USP15: variants seen among roughly 807,000 people sequenced by gnomAD.
USP15 encodes ubiquitin specific peptidase 15.
Under a neutral mutation model 127.1 loss-of-function variants are expected in USP15, and 18 were observed. The ratio of observed to expected loss-of-function variants is 0.14; its 90% CI spans 0.10 to 0.21. The LOEUF (loss-of-function observed/expected upper bound fraction) is 0.21, where lower values mean the gene tolerates loss of function less well. Ranked by LOEUF, USP15 falls within the 10% of genes least tolerant of loss-of-function variation. USP15 has a pLI of 1.00. For missense variants in USP15, 805 were observed against 1,159.9 expected (o/e 0.69, Z 4.44); for synonymous variants, 364 against 393.7 (o/e 0.92, Z 0.89).
chr12:62,329,627 T>C (rs2065228254), intron 6 of USP15, among the ~76,000 whole-genome samples: 2 of 151,872 alleles, frequency 1.3e-5, no homozygotes, highest in Non-Finnish European at 2.9e-5. Flanking sequence ...TTTAAAAAAA[T>C]AGGTAAAAGA....
chr12:62,390,994 T>C lies in USP15; in HGVS notation c.1960+15T>C. ...AGGCTCACCAAGTAAGACTTTTCTG[T>C]TAAATTGTACAAATGTTTCACTTAG... On this transcript the variant is annotated intron_variant, in intron 15 of 21. Coordinates refer to ENST00000280377, the MANE Select transcript of USP15 (RefSeq NM_001252078.2). The C allele has an allele frequency of 6.3e-7, 1 of 1,599,212 alleles. No homozygotes were observed. The highest frequency in any genetic ancestry group is 8.5e-7 in the Non-Finnish European group (1 of 1,170,816).
intron 4 of USP15, among the ~76,000 whole-genome samples, chr12:62,319,562 C>T (rs2064926934): frequency 6.6e-6 from 1 of 152,078 alleles, no homozygotes; most frequent in Non-Finnish European, 1.5e-5. Flanking sequence ...TCATTTCTAC[C>T]TCACTTATTC....
At chr12:62,275,237 C>T (rs555396095) in intron 1 of USP15, among the ~76,000 whole-genome samples, 2 of 151,984 alleles carry the variant, frequency 1.3e-5, no homozygotes, top group East Asian at 3.9e-4. Context: ...AAATACGATT[C>T]AAGAACTTGA....
chr12:62,261,972 G>A (rs1012920845), intron 1 of USP15, among the ~76,000 whole-genome samples: 1 of 152,138 alleles, frequency 6.6e-6, no homozygotes, highest in Admixed American at 6.5e-5. Flanking sequence ...TGGCAGGGTG[G>A]TTCACGCCTG....
intron 2 of USP15, among the ~76,000 whole-genome samples, chr12:62,298,189 CAGA>C (rs1394939233): frequency 6.6e-6 from 1 of 152,078 alleles, no homozygotes; most frequent in Non-Finnish European, 1.5e-5. Flanking sequence ...ATGGAAGTTC[CAGA>C]AGGAGGAAAG....
At chr12:62,385,715 G>A (rs533138854) in intron 11 of USP15, among the ~76,000 whole-genome samples, 6 of 151,976 alleles carry the variant, frequency 3.9e-5, no homozygotes, top group South Asian at 2.1e-4. Context: ...TTATTCACTC[G>A]TTTATAAGTA....
chr12:62,345,725 T>C (rs898310460), intron 6 of USP15, among the ~76,000 whole-genome samples: 1 of 152,148 alleles, frequency 6.6e-6, no homozygotes, highest in Non-Finnish European at 1.5e-5. Context: ...TCATTGGACT[T>C]AACAGTTCCA....
At chr12:62,326,194 T>TA (rs1351762421) in intron 6 of USP15, among the ~76,000 whole-genome samples, 5 of 152,204 alleles carry the variant, frequency 3.3e-5, no homozygotes, top group Non-Finnish European at 7.4e-5. Context: ...CGTTGTCTGA[T>TA]ACAGTCAAAT....
At chr12:62,355,527 C>T (rs2066095315) in intron 8 of USP15, 52 bp downstream of exon 8, 1 of 1,507,100 alleles carries the variant, frequency 6.6e-7, no homozygotes, top group East Asian at 2.3e-5. Flanking sequence ...ATCTGTAATA[C>T]AAGAAGATAA....
chr12:62,344,167 G>A (rs992745848), intron 6 of USP15, among the ~76,000 whole-genome samples: 3 of 152,140 alleles, frequency 2.0e-5, no homozygotes, highest in South Asian at 4.1e-4. Flanking sequence ...TCTCATTCAA[G>A]ACAAGGCAAG....
chr12:62,341,943 A>T (rs938223083), intron 6 of USP15, among the ~76,000 whole-genome samples: 1 of 152,000 alleles, frequency 6.6e-6, no homozygotes, highest in African/African-American at 2.4e-5. Flanking sequence ...AAGGTTGGGG[A>T]GGTTCTCCTG....
At chr12:62,366,360 TTGGTATATAGGAATGCTTG>T (rs1421073510) in intron 8 of USP15, among the ~76,000 whole-genome samples, 89 of 152,348 alleles carry the variant, frequency 5.8e-4, no homozygotes, top group African/African-American at 2.1e-3. Context: ...TTATCTGTTA[TTGGTATATAGGAATGCTTG>T]TGATTTTTGC....
At chr12:62,277,686 G>T (rs943547237) in intron 1 of USP15, 1 of 134,338 alleles carries the variant, frequency 7.4e-6, no homozygotes, top group African/African-American at 2.9e-5. Flanking sequence ...ATACACTAAC[G>T]CTAAAAATAG....
At chr12:62,294,953 G>A (rs967633937) in intron 2 of USP15, among the ~76,000 whole-genome samples, 1 of 152,126 alleles carries the variant, frequency 6.6e-6, no homozygotes, top group Non-Finnish European at 1.5e-5. Context: ...CCCTCCAACT[G>A]CCTTCAGTTT....
intron 6 of USP15, chr12:62,335,679 C>G: frequency 1.0e-6 from 1 of 986,136 alleles, no homozygotes; most frequent in Non-Finnish European, 1.2e-6. Flanking sequence ...AACCAAAAAC[C>G]ATATACTTCC....
chr12:62,391,327 T>C lies in USP15; in HGVS notation c.2131T>C (p.Leu711=). The change falls in exon 16 of 22, where the codon TTG becomes CTG. Residue 711 remains leucine (L), a synonymous_variant. Coordinates refer to ENST00000280377, the MANE Select transcript of USP15 (RefSeq NM_001252078.2). Reference sequence around the variant, plus strand: ...TCAACTCACGGGACACAAAAAACGATTGTTTACATTCCAGTTCAACAACTT... The same window carrying C: ...TCAACTCACGGGACACAAAAAACGACTGTTTACATTCCAGTTCAACAACTT... The part of the protein sequence containing the change: ...KGQLTGHKKR[L]FTFQFNNLGN... The C allele has an allele frequency of 6.2e-7, 1 of 1,613,532 alleles. No homozygotes were observed. The highest frequency in any genetic ancestry group is 8.5e-7 in the Non-Finnish European group (1 of 1,179,684).
chr12:62,267,086 T>C (rs1190697671), intron 1 of USP15: 1 of 152,170 alleles, frequency 6.6e-6, no homozygotes, highest in Non-Finnish European at 1.5e-5. Context: ...TTAGTCCTTG[T>C]ATAGAATTTT....
Position 62,392,139 on chromosome 12 carries a change from T to C in USP15, c.2305-133T>C, listed in dbSNP as rs1167738757. ...CAGGAATTATTTAGAAGTATATAAA[T>C]CTCAACTGAAATAAGCTTTATGATT... On this transcript the variant is annotated intron_variant, in intron 17 of 21. Coordinates refer to ENST00000280377, the MANE Select transcript of USP15 (RefSeq NM_001252078.2). 2.1e-5 allele frequency: 15 copies of C among 726,046 alleles called. No individual in the cohort carries two copies. The East Asian group carries it at 4.2e-4, about 20-fold the overall frequency. The allele number at this position is 726,046 out of a possible 1,614,324, so 45.0% of individuals were successfully genotyped here.
At chr12:62,367,597 T>C (rs1045634004) in intron 8 of USP15, among the ~76,000 whole-genome samples, 2 of 151,690 alleles carry the variant, frequency 1.3e-5, no homozygotes, top group African/African-American at 4.8e-5. Context: ...CCAGATTTTC[T>C]AGGTGTTTAT....
Sources: gnomAD v4.1 joint callset for allele counts (sites outside exome capture counted in the v4.1 genomes callset) on GRCh38, gnomAD v4.1.1 for gene constraint, MANE v1.5 for transcripts, NCBI Gene and HGNC (gene_info 2026-07-23, HGNC 2026-07-21) for gene names.